The following CDH20 variants were observed in gnomAD, a reference collection of about 807,000 sequenced individuals.
CDH20 encodes cadherin-20.
Under a neutral mutation model 74.2 loss-of-function variants are expected in CDH20, and 29 were observed. The observed-to-expected ratio is 0.39, with a 90% CI of 0.29 to 0.53. The LOEUF (loss-of-function observed/expected upper bound fraction) is 0.53. Among genes scored for constraint, CDH20 ranks in the 20% least tolerant of loss-of-function variants. The probability of loss-of-function intolerance (pLI) is 0.69; values close to 1 mark genes in which losing one functional copy is unlikely to be tolerated. For missense variants in CDH20, 988 were observed against 1,048.3 expected, an observed-to-expected ratio of 0.94 and a Z score of 0.79; for synonymous variants, 469 against 405.4, an observed-to-expected ratio of 1.16 and a Z score of -1.88.
intron 10 of CDH20, among the ~76,000 whole-genome samples, chr18:61,545,496 A>G (rs1913216458): frequency 6.6e-6 from 1 of 152,184 alleles, no homozygotes; most frequent in African/African-American, 2.4e-5. Flanking sequence ...GTAAGTCGGC[A>G]GATGTTTACT....
intron 1 of CDH20, among the ~76,000 whole-genome samples, chr18:61,399,593 A>G (rs1185982600): frequency 1.3e-5 from 2 of 152,126 alleles, no homozygotes; most frequent in Non-Finnish European, 2.9e-5. Context: ...TTTCATGGAA[A>G]TCAGTCTTTA....
At chr18:61,442,382 A>AG (rs1236125489) in intron 1 of CDH20, among the ~76,000 whole-genome samples, 1 of 150,950 alleles carries the variant, frequency 6.6e-6, no homozygotes, top group Non-Finnish European at 1.5e-5. Flanking sequence ...AAAAAAAAAA[A>AG]AACAGAAGCA....
intron 1 of CDH20, among the ~76,000 whole-genome samples, chr18:61,420,037 C>A (rs2144270831): frequency 6.6e-6 from 1 of 152,270 alleles, no homozygotes; most frequent in South Asian, 2.1e-4. Flanking sequence ...AATGCAGCCC[C>A]ATATCACATT....
chr18:61,417,980 T>C (rs1912747106), intron 1 of CDH20, among the ~76,000 whole-genome samples: 1 of 152,248 alleles, frequency 6.6e-6, no homozygotes, highest in East Asian at 1.9e-4. Flanking sequence ...TCTAAAACAG[T>C]TGTCCTGATT....
intron 6 of CDH20, 44 bp from the exon 7 acceptor site, chr18:61,527,923 T>C: frequency 6.2e-7 from 1 of 1,606,460 alleles, no homozygotes; most frequent in Non-Finnish European, 8.5e-7. Context: ...ATTTTGAATC[T>C]TGAACCTCAG....
intron 1 of CDH20, among the ~76,000 whole-genome samples, chr18:61,395,828 A>T (rs1362805506): frequency 6.6e-6 from 1 of 152,144 alleles, no homozygotes; most frequent in Non-Finnish European, 1.5e-5. Context: ...AGGTCAGGAG[A>T]TCGCGACCAT....
At chr18:61,409,074 G>A (rs1337207073) in intron 1 of CDH20, among the ~76,000 whole-genome samples, 2 of 152,184 alleles carry the variant, frequency 1.3e-5, no homozygotes, top group Non-Finnish European at 2.9e-5. Context: ...CCCTTCCAGG[G>A]AAGGATGACT....
At chr18:61,434,761 G>A (rs993878083) in intron 1 of CDH20, among the ~76,000 whole-genome samples, 4 of 152,072 alleles carry the variant, frequency 2.6e-5, no homozygotes, top group Non-Finnish European at 5.9e-5. Flanking sequence ...AATTATTGAG[G>A]TAAGGCTGAT....
intron 9 of CDH20, among the ~76,000 whole-genome samples, chr18:61,539,920 C>T (rs1912965917): frequency 1.3e-5 from 2 of 152,126 alleles, no homozygotes; most frequent in Non-Finnish European, 2.9e-5. Context: ...TGAAATATAC[C>T]TCCATAATCT....
intron 1 of CDH20, among the ~76,000 whole-genome samples, chr18:61,484,769 ACACACACACAC>A (rs1214336468): frequency 1.1e-5 from 1 of 89,792 alleles, no homozygotes; most frequent in Non-Finnish European, 2.7e-5. Context: ...ACACACACAC[ACACACACACAC>A]ACACACATCC....
intron 1 of CDH20, among the ~76,000 whole-genome samples, chr18:61,374,626 A>C (rs540345655): frequency 6.6e-6 from 1 of 152,138 alleles, no homozygotes. Context: ...AACTTATATG[A>C]AATTTTTATG....
intron 1 of CDH20, among the ~76,000 whole-genome samples, chr18:61,371,630 G>T (rs1370709450): frequency 1.3e-5 from 2 of 151,978 alleles, no homozygotes; most frequent in Non-Finnish European, 2.9e-5. Flanking sequence ...ACACAATAAT[G>T]ACTGACAGCT....
chr18:61,437,599 A>G (rs542824319), intron 1 of CDH20, among the ~76,000 whole-genome samples: 10 of 152,300 alleles, frequency 6.6e-5, no homozygotes, highest in Non-Finnish European at 1.2e-4. Flanking sequence ...TCACTGGCAA[A>G]TGGTTCAAAG....
chr18:61,449,467 G>A (rs1486051007), intron 1 of CDH20, among the ~76,000 whole-genome samples: 5 of 151,970 alleles, frequency 3.3e-5, no homozygotes, highest in South Asian at 2.1e-4. Context: ...TTCTCACATG[G>A]TTAATGGCTC....
intron 1 of CDH20, among the ~76,000 whole-genome samples, chr18:61,457,074 A>C (rs1463132289): frequency 1.3e-5 from 2 of 152,116 alleles, no homozygotes; most frequent in Non-Finnish European, 2.9e-5. Context: ...TTCCAGTCAG[A>C]AACCTTCTAA....
At chr18:61,482,605 C>T (rs909079047) in intron 1 of CDH20, among the ~76,000 whole-genome samples, 1 of 152,052 alleles carries the variant, frequency 6.6e-6, no homozygotes, top group African/African-American at 2.4e-5. Context: ...CATATATGGC[C>T]TCAGATGCCA....
chr18:61,395,531 C>G (rs1911934747), intron 1 of CDH20, among the ~76,000 whole-genome samples: 1 of 152,120 alleles, frequency 6.6e-6, no homozygotes. Context: ...AAGACCTTCT[C>G]CCTCACATCA....
chr18:61,385,555 A>G (rs1189617236), intron 1 of CDH20, among the ~76,000 whole-genome samples: 1 of 150,678 alleles, frequency 6.6e-6, no homozygotes, highest in East Asian at 2.0e-4. Context: ...AGGAAAAAAA[A>G]TGAAATGAAA....
At chr18:61,346,434 C>T (rs1400842956) in intron 1 of CDH20, among the ~76,000 whole-genome samples, 1 of 152,066 alleles carries the variant, frequency 6.6e-6, no homozygotes, top group Non-Finnish European at 1.5e-5. Context: ...TAAGTAACTG[C>T]ATTGAAAAGT....
Sources: allele counts gnomAD v4.1 joint callset (sites outside exome capture counted in the v4.1 genomes callset), GRCh38; gene constraint gnomAD v4.1.1; transcripts MANE v1.5; gene names NCBI Gene and HGNC (gene_info 2026-07-23, HGNC 2026-07-21).